NLRP8: variants seen among roughly 807,000 people sequenced by gnomAD.
NLRP8 encodes NLR family pyrin domain containing 8.
Under a neutral mutation model 88.7 loss-of-function variants are expected in NLRP8, and 86 were observed. The observed-to-expected ratio is 0.97, with a 90% CI of 0.81 to 1.16. The LOEUF (loss-of-function observed/expected upper bound fraction) is 1.16, where lower values mean the gene tolerates loss of function less well. Ranked by LOEUF, NLRP8 falls within the 50% of genes most tolerant of loss-of-function variation. NLRP8 has a pLI of 0.00. For synonymous variants in NLRP8, 504 were observed against 494.6 expected, an observed-to-expected ratio of 1.02 and a Z score of -0.25; for missense variants, 1,342 against 1,286.5, an observed-to-expected ratio of 1.04 and a Z score of -0.66.
chr19:55,982,408 T>A (rs1980612732), intron 9 of NLRP8, among the ~76,000 whole-genome samples: 1 of 152,146 alleles, frequency 6.6e-6, no homozygotes, highest in Non-Finnish European at 1.5e-5. Context: ...AACAGATGAA[T>A]GGATAAAGAA....
intron 4 of NLRP8, among the ~76,000 whole-genome samples, chr19:55,964,539 C>T (rs1364045574): frequency 5.3e-5 from 8 of 152,148 alleles, no homozygotes; most frequent in African/African-American, 1.9e-4. Context: ...ATTGCCTGAG[C>T]TCAGGAGTTC....
Position 55,962,182 on chromosome 19 carries a change from T to A in NLRP8, c.2158T>A (p.Leu720Met). Residue 720 changes from leucine to methionine, a missense_variant, in exon 4 of 10, where the codon TTG (leucine) becomes ATG (methionine). Transcript: ENST00000291971. The stretch of plus-strand genomic sequence containing the variant: ...CAACAGTGTTTTGGGGCCTCCTTTT[T>A]TGAAGGCTCTCGCGGCCGCACTGAG... The A allele has an allele frequency of 6.2e-7, 1 of 1,614,208 alleles. No individual in the cohort carries two copies. Among genetic ancestry groups the A allele is most frequent in the South Asian group, 1.1e-5 (1 of 91,078 alleles).
intron 9 of NLRP8, among the ~76,000 whole-genome samples, 131 bp downstream of exon 10, chr19:55,981,289 C>T (rs1252275581): frequency 1.3e-5 from 2 of 151,622 alleles, no homozygotes; most frequent in African/African-American, 4.9e-5. Flanking sequence ...GCCGTCCTGA[C>T]TCTGGAATGG....
intron 5 of NLRP8, among the ~76,000 whole-genome samples, chr19:55,968,483 G>C (rs1384141716): frequency 6.6e-6 from 1 of 151,500 alleles, no homozygotes; most frequent in East Asian, 1.9e-4. Flanking sequence ...GCTCACGCCT[G>C]TAATCCCAAC....
intron 3 of NLRP8, among the ~76,000 whole-genome samples, chr19:55,956,893 A>G (rs1979380854): frequency 6.6e-6 from 1 of 151,996 alleles, no homozygotes; most frequent in South Asian, 2.1e-4. Flanking sequence ...TCTGGGCTCA[A>G]ACAATTCTCC....
intron 8 of NLRP8, among the ~76,000 whole-genome samples, chr19:55,976,630 A>G (rs1219206142): frequency 6.6e-6 from 1 of 151,868 alleles, no homozygotes; most frequent in Non-Finnish European, 1.5e-5. Context: ...AGAGTTTGTC[A>G]CTTTTAGACT....
In NLRP8 at chr19:55,966,125, C is replaced by T. The variant is rs185855033; in HGVS notation, c.2214-88C>T. On this transcript the variant is annotated intron_variant, in intron 4 of 9. Coordinates refer to ENST00000291971, the MANE Select transcript of NLRP8 (RefSeq NM_176811.2). ...AGTGGGACTGCACCTGTCCCACGTG[C>T]AGCTTCCGGGAGCCTCGTTTGTGAG... 130 of 1,262,358 alleles carry T rather than the reference C, an allele frequency of 1.0e-4. No individual in the cohort carries two copies. In the East Asian group the frequency reaches 2.8e-3, roughly 28 times the overall value. 78.2% of individuals were successfully genotyped at this position (1,262,358 alleles called of 1,614,324 possible).
intron 5 of NLRP8, among the ~76,000 whole-genome samples, chr19:55,970,323 T>C (rs1389232740): frequency 6.6e-6 from 1 of 152,222 alleles, no homozygotes; most frequent in Non-Finnish European, 1.5e-5. Flanking sequence ...TCAGTCGTTA[T>C]TGTATTCCAG....
At position 55,976,308 on chromosome 19, in the gene NLRP8, G is replaced by A; in HGVS notation, c.2876+5G>A. Reference sequence around the variant, plus strand: ...CTGTACATTACAGATCCTGGAGTAAGTGGCCCCTCGTCTCCTCCTGTGAGA... The same window carrying A: ...CTGTACATTACAGATCCTGGAGTAAATGGCCCCTCGTCTCCTCCTGTGAGA... On this transcript the variant is annotated splice_donor_5th_base_variant and intron_variant, in intron 8 of 9. Transcript: ENST00000291971. 6.3e-7 allele frequency: 1 copy of A among 1,592,110 alleles called. No individual in the cohort carries two copies. Among genetic ancestry groups the A allele is most frequent in the Non-Finnish European group, 8.5e-7 (1 of 1,173,014 alleles).
At chr19:55,976,913 T>C (rs1212076221) in intron 8 of NLRP8, among the ~76,000 whole-genome samples, 13 of 150,056 alleles carry the variant, frequency 8.7e-5, no homozygotes, top group Non-Finnish European at 1.6e-4. Context: ...ACCATGTCTG[T>C]ACTAAAAATA....
At chr19:55,980,303 T>A (rs1341045347) in intron 9 of NLRP8, among the ~76,000 whole-genome samples, 5 of 152,198 alleles carry the variant, frequency 3.3e-5, no homozygotes, top group Admixed American at 6.5e-5. Flanking sequence ...ACACAGTGCC[T>A]AACACATGTT....
rs534175693 is a variant in NLRP8, at chr19:55,976,666, T to C, written c.2876+363T>C. ...GATATCTGAGATGACTGGTCTGAAA[T>C]TGAATTTTACACTTAGGAGATATAT... On this transcript the variant is annotated intron_variant, in intron 8 of 9. Coordinates refer to ENST00000291971, the MANE Select transcript of NLRP8 (RefSeq NM_176811.2). 1.0e-4 allele frequency among the ~76,000 whole-genome samples: 11 copies of C among 106,436 alleles called. No individual in the cohort carries two copies. The South Asian group carries it at 1.8e-3, about 18-fold the overall frequency. 69.8% of individuals were successfully genotyped at this position (106,436 alleles called of 152,430 possible).
intron 3 of NLRP8, among the ~76,000 whole-genome samples, chr19:55,957,675 A>T (rs1402151122): frequency 9.5e-6 from 1 of 105,610 alleles, no homozygotes; most frequent in Admixed American, 8.9e-5. Context: ...AATAATAATT[A>T]TATATATATA....
rs749199268 is a variant in NLRP8 at position 55,948,098 on chromosome 19, A to G, written c.196A>G (p.Thr66Ala). ...GCAGCTCTTACTGACTGAGCTCAGTACTGGCACCATGCCCATCACCTGGGA... is the reference window on the plus strand; with the variant it reads ...GCAGCTCTTACTGACTGAGCTCAGTGCTGGCACCATGCCCATCACCTGGGA... The change falls in exon 1 of 10, where the codon ACT becomes GCT. Residue 66 changes from threonine to alanine, a missense_variant. Thr to Ala is a moderately conservative substitution (Grantham distance 58). Coordinates refer to ENST00000291971, the MANE Select transcript of NLRP8 (RefSeq NM_176811.2). The G allele has an allele frequency of 2.5e-6, 4 of 1,614,158 alleles. No homozygotes were observed. The highest frequency in any genetic ancestry group is 3.4e-6 in the Non-Finnish European group (4 of 1,180,010).
chr19:55,973,777 T>G lies in NLRP8; in HGVS notation c.2660T>G (p.Ile887Ser). 1 of 1,614,006 alleles carries G rather than the reference T, an allele frequency of 6.2e-7. No individual in the cohort carries two copies. The highest frequency in any genetic ancestry group is 1.1e-5 in the South Asian group (1 of 91,012). The change falls in exon 7 of 10, where the codon ATT becomes AGT. Residue 887 changes from isoleucine (I) to serine (S), a missense_variant. Transcript: ENST00000291971. ...TTGAAAGATGAAGGGGCCAAGCATA[T>G]TTGGAATGCCCTGCCACACCTGAGA...
intron 6 of NLRP8, among the ~76,000 whole-genome samples, chr19:55,972,125 T>C (rs916122817): frequency 4.1e-4 from 62 of 150,610 alleles, no homozygotes; most frequent in African/African-American, 1.5e-3. Context: ...TTTTTTTTTT[T>C]TTTTTTTGAG....
rs371245984 is a variant in NLRP8, at chr19:55,948,221, A to G, written c.319A>G (p.Ile107Val). The change falls in exon 1 of 10, where the codon ATT (isoleucine) becomes GTT (valine). Residue 107 changes from isoleucine (I) to valine (V), a missense_variant. Transcript: ENST00000291971. ...GGATGTGACTTCGAACATCTTTGCC[A>G]TTATGAACTGTGATAAAATGTGTGT... The G allele has an allele frequency of 1.5e-5, 25 of 1,614,014 alleles. No homozygotes were observed. The highest frequency in any genetic ancestry group is 6.7e-5 in the Admixed American group (4 of 59,986).
chr19:55,977,559 T>C (rs1192902878), intron 8 of NLRP8, among the ~76,000 whole-genome samples: 1 of 146,424 alleles, frequency 6.8e-6, no homozygotes, highest in East Asian at 1.9e-4. Flanking sequence ...TATATTAATA[T>C]ATTTATATAT....
intron 8 of NLRP8, 66 bp from the exon 9 acceptor site, chr19:55,979,328 C>T: frequency 6.4e-7 from 1 of 1,561,332 alleles, no homozygotes; most frequent in Non-Finnish European, 8.8e-7. Context: ...AGCCGTCACA[C>T]CGGCTGAGCT....
Sources: allele counts gnomAD v4.1 joint callset (sites outside exome capture counted in the v4.1 genomes callset), GRCh38; gene constraint gnomAD v4.1.1; transcripts MANE v1.5; gene names NCBI Gene and HGNC (gene_info 2026-07-23, HGNC 2026-07-21).